KCNIP1: variants seen among roughly 807,000 people sequenced by gnomAD.
KCNIP1 encodes potassium voltage-gated channel interacting protein 1, also known as A-type potassium channel modulatory protein KCNIP1.
A neutral mutation model predicts 33.0 loss-of-function variants in KCNIP1; 18 were observed. The ratio of observed to expected loss-of-function variants is 0.55; its 90% CI spans 0.38 to 0.81. The LOEUF (loss-of-function observed/expected upper bound fraction) is 0.81. KCNIP1 is among the 30% of genes least tolerant of loss of function. The pLI is 0.00. For missense variants in KCNIP1, 238 were observed against 271.6 expected (o/e 0.88, Z 0.87); for synonymous variants, 93 against 98.3 (o/e 0.95, Z 0.32).
intron 1 of KCNIP1, among the ~76,000 whole-genome samples, chr5:170,542,643 C>G (rs571632463): frequency 1.3e-5 from 2 of 152,060 alleles, no homozygotes; most frequent in Non-Finnish European, 2.9e-5. Flanking sequence ...GTGCCAAACC[C>G]TATATGTACT....
chr5:170,598,758 C>T (rs886817242), intron 1 of KCNIP1, among the ~76,000 whole-genome samples: 8 of 152,070 alleles, frequency 5.3e-5, no homozygotes, highest in South Asian at 2.1e-4. Flanking sequence ...TGCAAGGGAC[C>T]AGTGGACAGA....
At chr5:170,386,455 T>C (rs764914426) in intron 1 of KCNIP1, among the ~76,000 whole-genome samples, 6 of 152,156 alleles carry the variant, frequency 3.9e-5, no homozygotes, top group Non-Finnish European at 7.3e-5. Context: ...AGGTTTATGA[T>C]CATTTGCTAC....
At position 170,504,038 on chromosome 5, in the gene KCNIP1, TGGCAGCA is replaced by T. The variant is rs558737772; in HGVS notation, c.-517_-511del. On this transcript the variant is annotated 5_prime_UTR_variant, in exon 1 of 8. Coordinates refer to ENST00000328939, the MANE Select transcript of KCNIP1 (RefSeq NM_014592.4). The surrounding 1 kb of genome is among the most constrained non-coding windows in gnomAD (Gnocchi z 6.0). ...CCGCTCCGACTCTCGCCCCGAGCGC[TGGCAGCA>T]GGCAGCAGGCAGCAGGCGGGCGCGC... 2,070 of 985,206 alleles carry T rather than the reference TGGCAGCA, an allele frequency of 2.1e-3. 43 individuals are homozygous for T. In the South Asian group the frequency reaches 0.043, roughly 20 times the overall value. 61.0% of individuals were successfully genotyped at this position (985,206 alleles called of 1,614,324 possible). A position where few individuals can be genotyped will look rare whatever the true frequency, so the allele number is the denominator to read the frequency against.
At chr5:170,634,989 G>A (rs758468903) in intron 1 of KCNIP1, among the ~76,000 whole-genome samples, 15 of 152,082 alleles carry the variant, frequency 9.9e-5, no homozygotes, top group Non-Finnish European at 1.8e-4. Flanking sequence ...GGCTTCTCTT[G>A]CTTCCATATA....
intron 1 of KCNIP1, among the ~76,000 whole-genome samples, chr5:170,481,083 C>T (rs11950972): frequency 0.072 from 10,995 of 152,232 alleles, 1,078 homozygotes; most frequent in African/African-American, 0.22. Flanking sequence ...ACTTACAGCT[C>T]TTCACAGACT....
At chr5:170,411,020 G>T (rs1230411053) in intron 1 of KCNIP1, among the ~76,000 whole-genome samples, 2 of 152,210 alleles carry the variant, frequency 1.3e-5, no homozygotes, top group African/African-American at 4.8e-5. Context: ...CCCACCCAGT[G>T]AATGTGATTT....
chr5:170,503,965 CG>C, upstream of KCNIP1: 4 of 830,286 alleles, frequency 4.8e-6, no homozygotes, highest in Non-Finnish European at 5.8e-6. Context: ...GCCCCCGCCC[CG>C]CCCCTCCGTA....
intron 1 of KCNIP1, among the ~76,000 whole-genome samples, chr5:170,710,019 C>T (rs181331013): frequency 6.9e-4 from 105 of 152,286 alleles, no homozygotes; most frequent in South Asian, 2.1e-3. Context: ...AGGCGCGCAC[C>T]ACCATGCCCA....
intron 1 of KCNIP1, among the ~76,000 whole-genome samples, chr5:170,662,339 G>C (rs1358728611): frequency 2.6e-5 from 4 of 152,140 alleles, no homozygotes; most frequent in Non-Finnish European, 5.9e-5. Flanking sequence ...CTACCCGGGG[G>C]AGGAATGACC....
At chr5:170,411,657 A>G (rs1358171428) in intron 1 of KCNIP1, among the ~76,000 whole-genome samples, 1 of 151,922 alleles carries the variant, frequency 6.6e-6, no homozygotes, top group African/African-American at 2.4e-5. Flanking sequence ...CAACAAATCT[A>G]TATTTAATAA....
chr5:170,677,510 G>T (rs1032785009), intron 1 of KCNIP1, among the ~76,000 whole-genome samples: 1 of 152,164 alleles, frequency 6.6e-6, no homozygotes, highest in African/African-American at 2.4e-5. Flanking sequence ...CTAGTAAGTG[G>T]CAGAGATAAA....
intron 1 of KCNIP1, among the ~76,000 whole-genome samples, chr5:170,674,984 T>C (rs1762073891): frequency 6.6e-6 from 1 of 151,948 alleles, no homozygotes; most frequent in African/African-American, 2.4e-5. Flanking sequence ...TGTTTTTTTT[T>C]TTTTAACCTT....
intron 1 of KCNIP1, among the ~76,000 whole-genome samples, chr5:170,707,158 CA>C (rs34331045): frequency 0.22 from 27,645 of 125,348 alleles, 2,612 homozygotes; most frequent in South Asian, 0.28. Flanking sequence ...AGTAAATCAT[CA>C]AAAAAAAAAA....
At chr5:170,361,207 G>A (rs1763504082) in intron 1 of KCNIP1, among the ~76,000 whole-genome samples, 1 of 152,238 alleles carries the variant, frequency 6.6e-6, no homozygotes, top group Admixed American at 6.5e-5. Flanking sequence ...TGCAGGAGGA[G>A]GGACCCCACT....
chr5:170,570,239 C>T (rs528025502), intron 1 of KCNIP1, among the ~76,000 whole-genome samples: 1 of 152,340 alleles, frequency 6.6e-6, no homozygotes, highest in Non-Finnish European at 1.5e-5. Context: ...AAATAGATCT[C>T]TTACAGGCAT....
At chr5:170,550,239 G>T (rs1581311108) in intron 1 of KCNIP1, among the ~76,000 whole-genome samples, 1 of 152,116 alleles carries the variant, frequency 6.6e-6, no homozygotes, top group African/African-American at 2.4e-5. Context: ...AGACCAAGCA[G>T]AAACACACTT....
chr5:170,724,782 A>G (rs1763952458), intron 5 of KCNIP1, among the ~76,000 whole-genome samples: 1 of 152,226 alleles, frequency 6.6e-6, no homozygotes, highest in Admixed American at 6.5e-5. Flanking sequence ...CAAGACTCAT[A>G]CACTGAAAAC....
chr5:170,734,719 G>A (rs1249043646), intron 7 of KCNIP1, among the ~76,000 whole-genome samples: 1 of 152,222 alleles, frequency 6.6e-6, no homozygotes, highest in East Asian at 1.9e-4. Flanking sequence ...AAGCCGGGGA[G>A]AAGTTCCTAG....
Position 170,504,500 on chromosome 5 carries a change from C to T in KCNIP1, c.-73C>T, listed in dbSNP as rs1372153999. 6.2e-7 allele frequency: 1 copy of T among 1,604,338 alleles called. No individual in the cohort carries two copies. The highest frequency in any genetic ancestry group is 8.5e-7 in the Non-Finnish European group (1 of 1,179,040). On this transcript the variant is annotated 5_prime_UTR_variant, in exon 1 of 8. Transcript: ENST00000328939. This position sits in a 1 kb window ranked among gnomAD's most constrained non-coding sequence, Gnocchi z 6.0. ...CTCCTCCAATTCAGAGTAGACAAAC[C>T]ACGGGGATTTCTTTCCAGGGTAGGG...
Sources: gnomAD v4.1 joint callset for allele counts (sites outside exome capture counted in the v4.1 genomes callset) on GRCh38, gnomAD v4.1.1 for gene constraint, Gnocchi (gnomAD v3.1) non-coding constraint, MANE v1.5 for transcripts, NCBI Gene and HGNC (gene_info 2026-07-23, HGNC 2026-07-21) for gene names.